The following PMPCB variants were observed in gnomAD, a reference collection of about 807,000 sequenced individuals.
The protein encoded by PMPCB is peptidase, mitochondrial processing subunit beta.
In PMPCB, 46 loss-of-function variants were observed where a neutral mutation model predicts 61.5. The ratio of observed to expected loss-of-function variants is 0.75; its 90% CI spans 0.59 to 0.96. PMPCB has a LOEUF of 0.96. Among genes scored for constraint, PMPCB ranks in the 40% least tolerant of loss-of-function variants. The pLI is 0.00. For missense variants in PMPCB, 590 were observed against 602.4 expected (o/e 0.98, Z 0.22); for synonymous variants, 191 against 201.6 (o/e 0.95, Z 0.44).
chr7:103,334,628 AAG>A, the PMPCB span, among the ~76,000 whole-genome samples: 1 of 151,924 alleles, frequency 6.6e-6, no homozygotes, highest in Non-Finnish European at 1.5e-5. Flanking sequence ...AAAAAAAAAA[AAG>A]AGAGACAAGG....
the PMPCB span, chr7:103,344,401 C>T: frequency 1.3e-6 from 1 of 745,098 alleles, no homozygotes; most frequent in Non-Finnish European, 2.2e-6. Context: ...GGTAGGATTA[C>T]TTTAAAACAC....
At chr7:103,306,476 G>A (rs569023128) in intron 6 of PMPCB, among the ~76,000 whole-genome samples, 2 of 150,694 alleles carry the variant, frequency 1.3e-5, no homozygotes, top group African/African-American at 2.4e-5. Context: ...TCCGCCTTCC[G>A]GATTCAACTG....
chr7:103,303,765 C>T (rs1282726663), intron 4 of PMPCB, 77 bp from the exon 5 acceptor site: 2 of 974,158 alleles, frequency 2.1e-6, no homozygotes, highest in Non-Finnish European at 3.1e-6. Flanking sequence ...GTCATGATTT[C>T]TGATTTTGGT....
rs572882959 is a variant in PMPCB at position 103,320,563 on chromosome 7, A to G, written c.*1432-8368A>G. Among the ~76,000 whole-genome samples the G allele has an allele frequency of 2.4e-3, 366 of 151,352 alleles. 4 individuals carry two copies. Among genetic ancestry groups the G allele is most frequent in the African/African-American group, 8.5e-3 (352 of 41,290 alleles). On this transcript the variant is annotated intron_variant and NMD_transcript_variant, in intron 12 of 12. Transcript: ENST00000444457. ...ATCGTGAGGTCAGGAGATCGAGACC[A>G]TCCTGGCTAACACAGTGAAACCCCG... is the stretch of plus-strand genomic sequence containing the variant.
intron 9 of PMPCB, chr7:103,310,752 A>C (rs1356252869): frequency 6.2e-6 from 1 of 160,462 alleles, no homozygotes; most frequent in Non-Finnish European, 1.3e-5. Context: ...ATCTCGGCTC[A>C]CTGCAGCCTC....
chr7:103,324,418 G>A (rs370817177), intron 12 of PMPCB: 2 of 1,348,998 alleles, frequency 1.5e-6, no homozygotes. Context: ...AAACAATCAA[G>A]TACTTATTGA....
At chr7:103,341,937 C>T in the PMPCB span, 6 of 1,604,390 alleles carry the variant, frequency 3.7e-6, no homozygotes, top group South Asian at 2.2e-5. Flanking sequence ...ACAGGTTCAA[C>T]TTGACAGAGT....
intron 12 of PMPCB, among the ~76,000 whole-genome samples, chr7:103,325,172 G>A (rs1316739702): frequency 1.3e-5 from 2 of 152,146 alleles, no homozygotes; most frequent in Non-Finnish European, 2.9e-5. Flanking sequence ...GGCCAGGCGC[G>A]GTGGCTCATG....
At chr7:103,323,998 T>C (rs1563463411) in intron 12 of PMPCB, among the ~76,000 whole-genome samples, 3 of 152,220 alleles carry the variant, frequency 2.0e-5, no homozygotes, top group African/African-American at 7.2e-5. Flanking sequence ...CATCTCCAGT[T>C]TGTATCCTCT....
At chr7:103,306,854 C>T (rs1340083836) in intron 6 of PMPCB, among the ~76,000 whole-genome samples, 4 of 152,192 alleles carry the variant, frequency 2.6e-5, no homozygotes, top group Non-Finnish European at 4.4e-5. Context: ...CTCCTAGATT[C>T]AAGCAGTTCT....
chr7:103,317,646 C>T (rs1437493529), downstream of PMPCB, among the ~76,000 whole-genome samples: 1 of 152,006 alleles, frequency 6.6e-6, no homozygotes, highest in Non-Finnish European at 1.5e-5. Flanking sequence ...AGTGCAGGTT[C>T]TTTTTCTTTC....
chr7:103,306,543 T>G (rs1028737454), intron 6 of PMPCB, among the ~76,000 whole-genome samples: 1 of 152,044 alleles, frequency 6.6e-6, no homozygotes, highest in Admixed American at 6.5e-5. Flanking sequence ...CCATCACACC[T>G]GACTAATTTT....
intron 8 of PMPCB, among the ~76,000 whole-genome samples, chr7:103,309,609 A>G (rs1817682054): frequency 6.6e-6 from 1 of 152,246 alleles, no homozygotes; most frequent in Admixed American, 6.5e-5. Flanking sequence ...TATTACATAT[A>G]CCATATTACA....
chr7:103,326,141 G>A (rs997762459), intron 12 of PMPCB, among the ~76,000 whole-genome samples: 1 of 151,922 alleles, frequency 6.6e-6, no homozygotes, highest in Non-Finnish European at 1.5e-5. Context: ...TCCACGGCCA[G>A]CTAATTTTTG....
In PMPCB at chr7:103,312,087, G is replaced by T. The variant is rs1423529709; in HGVS notation, c.1361G>T (p.Cys454Phe). Residue 454 changes from cysteine to phenylalanine, a missense_variant, in exon 12 of 13, where the codon TGT becomes TTT. By Grantham distance (205) the Cys-to-Phe change is radical. Transcript: ENST00000249269. The part of the protein sequence containing the change: ...AVNAETIREV[C>F]TKYIYNRSPA... ...AATGCTGAGACAATTCGAGAAGTAT[G>T]TACCAAATACATTTATAATAGGAGT... 3 of 1,613,894 alleles carry T rather than the reference G, an allele frequency of 1.9e-6. No individual in the cohort carries two copies. The South Asian group carries it at 3.3e-5, about 18-fold the overall frequency.
Position 103,312,058 on chromosome 7 carries a change from T to G in PMPCB, c.1332T>G (p.Ala444=), listed in dbSNP as rs748941635. The G allele has an allele frequency of 8.7e-6, 14 of 1,613,160 alleles. No individual in the cohort carries two copies. The African/African-American group carries it at 1.9e-4, about 22-fold the overall frequency. The change falls in exon 12 of 13, where the codon GCT becomes GCG. Residue 444 remains alanine, a splice_region_variant and synonymous_variant. Coordinates refer to ENST00000249269, the MANE Select transcript of PMPCB (RefSeq NM_004279.3). The part of the protein sequence containing the change: ...PIPELEARID[A]VNAETIREVC... ...TGACAGTGTCTTCCATATTTCAGGC[T>G]GTGAATGCTGAGACAATTCGAGAAG...
At chr7:103,347,396 T>A in the PMPCB span, 2 of 208,318 alleles carry the variant, frequency 9.6e-6, no homozygotes, top group Non-Finnish European at 2.0e-5. Flanking sequence ...AGGAGTTCTT[T>A]ATATATTCTG....
chr7:103,327,610 A>G (rs755531121), intron 12 of PMPCB: 2 of 1,249,282 alleles, frequency 1.6e-6, no homozygotes, highest in Non-Finnish European at 2.3e-6. Flanking sequence ...CAATTAATAA[A>G]TAACAATTAC....
chr7:103,327,233 A>G, intron 12 of PMPCB: 1 of 569,914 alleles, frequency 1.8e-6, no homozygotes, highest in South Asian at 1.8e-5. Context: ...GATTTAAACT[A>G]GGCTAGCAAA....
Sources: gnomAD v4.1 joint callset for allele counts (sites outside exome capture counted in the v4.1 genomes callset) on GRCh38, gnomAD v4.1.1 for gene constraint, MANE v1.5 for transcripts, NCBI Gene and HGNC (gene_info 2026-07-23, HGNC 2026-07-21) for gene names.